The following CNTN6 variants were observed in gnomAD, a reference collection of about 807,000 sequenced individuals.
The protein encoded by CNTN6 is contactin 6, also known as contactin-6.
In CNTN6, 137 loss-of-function variants were observed where a neutral mutation model predicts 122.8. That is an observed-to-expected ratio of 1.12 (90% CI 0.97 to 1.29). The LOEUF (loss-of-function observed/expected upper bound fraction) is 1.29, where lower values mean the gene tolerates loss of function less well. CNTN6 is among the 50% of genes most tolerant of loss of function. CNTN6 has a pLI of 0.00. For missense variants in CNTN6, 1,634 were observed against 1,223.4 expected (o/e 1.34, Z -5.01); for synonymous variants, 570 against 426.0 (o/e 1.34, Z -4.16).
At chr3:1,153,753 A>C (rs1255982285) in intron 2 of CNTN6, among the ~76,000 whole-genome samples, 1 of 152,220 alleles carries the variant, frequency 6.6e-6, no homozygotes, top group Non-Finnish European at 1.5e-5. Context: ...TGAGAGAGAA[A>C]ACCAGAAGAA....
Position 1,271,050 on chromosome 3 carries a change from A to G in CNTN6, c.359-7363A>G, listed in dbSNP as rs79663778. ...ATGCCACCACATTAGACTATTTTTT[A>G]TATTTTTAGTAGAGACAGGGTTTCA... On this transcript the variant is annotated intron_variant, in intron 4 of 22. Coordinates refer to ENST00000446702, the MANE Select transcript of CNTN6 (RefSeq NM_001289080.2). Among the ~76,000 whole-genome samples, 621 of 152,072 alleles carry G rather than the reference A, an allele frequency of 4.1e-3. 15 individuals are homozygous for G. The highest frequency in any genetic ancestry group is 0.036 in the Admixed American group (542 of 15,260).
At chr3:1,352,614 C>CTT (rs1451001923) in intron 12 of CNTN6, among the ~76,000 whole-genome samples, 163 bp downstream of exon 12, 1 of 151,782 alleles carries the variant, frequency 6.6e-6, no homozygotes. Context: ...AACATGCACA[C>CTT]TTTGCCAGTG....
chr3:1,353,070 C>T (rs886215700), intron 12 of CNTN6, among the ~76,000 whole-genome samples: 7 of 151,686 alleles, frequency 4.6e-5, no homozygotes, highest in African/African-American at 1.7e-4. Context: ...AATGTTCCTA[C>T]ATTTATCACC....
intron 4 of CNTN6, among the ~76,000 whole-genome samples, chr3:1,268,606 C>CA (rs71690299): frequency 0.048 from 4,759 of 99,410 alleles, 208 homozygotes; most frequent in African/African-American, 0.11. Context: ...GACTCCGTCT[C>CA]AAAAAAAAAA....
chr3:1,278,822 A>G (rs1023104238), intron 5 of CNTN6, among the ~76,000 whole-genome samples: 28 of 152,264 alleles, frequency 1.8e-4, no homozygotes, highest in Middle Eastern at 3.4e-3. Flanking sequence ...CTTCATGACA[A>G]GGGGACAATT....
At chr3:1,242,887 G>A (rs373515803) in intron 4 of CNTN6, among the ~76,000 whole-genome samples, 9 of 152,066 alleles carry the variant, frequency 5.9e-5, no homozygotes, top group South Asian at 2.1e-4. Flanking sequence ...AAGCCTGGCC[G>A]TCAATACCCA....
At chr3:1,314,804 A>C (rs1699864249) in intron 7 of CNTN6, among the ~76,000 whole-genome samples, 1 of 152,106 alleles carries the variant, frequency 6.6e-6, no homozygotes, top group East Asian at 1.9e-4. Context: ...ATCATCTAGT[A>C]GTATTTCACA....
At chr3:1,249,104 C>G (rs2094622589) in intron 4 of CNTN6, among the ~76,000 whole-genome samples, 2 of 152,042 alleles carry the variant, frequency 1.3e-5, no homozygotes, top group Admixed American at 1.3e-4. Flanking sequence ...CGGTGGGTAG[C>G]AAACAGTCTC....
intron 6 of CNTN6, 43 bp downstream of exon 6, chr3:1,295,847 C>G (rs770391919): frequency 6.5e-7 from 1 of 1,549,462 alleles, no homozygotes; most frequent in East Asian, 2.3e-5. Flanking sequence ...TATCTTTGGC[C>G]CTTAAAGCCT....
At chr3:1,228,671 T>C (rs1203728668) in intron 4 of CNTN6, among the ~76,000 whole-genome samples, 1 of 152,178 alleles carries the variant, frequency 6.6e-6, no homozygotes, top group African/African-American at 2.4e-5. Flanking sequence ...GTGGATAAAG[T>C]AGAAGGCTTG....
In CNTN6 at chr3:1,148,072, TTCTA is replaced by T. The variant is rs746061597; in HGVS notation, c.55+11_55+14del. ...CATAAACTCTTCTGCAGGTAAAGTG[TTCTA>T]TTATTATAAGTTTTGATTGATAAAT... On this transcript the variant is annotated intron_variant, in intron 2 of 22. Transcript: ENST00000446702. 6.3e-7 allele frequency: 1 copy of T among 1,598,938 alleles called. No homozygotes were observed. The highest frequency in any genetic ancestry group is 1.7e-5 in the Admixed American group (1 of 59,874).
intron 12 of CNTN6, among the ~76,000 whole-genome samples, chr3:1,359,163 A>G (rs565434348): frequency 6.6e-6 from 1 of 152,206 alleles, no homozygotes; most frequent in East Asian, 1.9e-4. Flanking sequence ...TATTTATAAG[A>G]AATATAAATA....
At chr3:1,357,069 A>G (rs1234705449) in intron 12 of CNTN6, among the ~76,000 whole-genome samples, 1 of 151,964 alleles carries the variant, frequency 6.6e-6, no homozygotes, top group Non-Finnish European at 1.5e-5. Context: ...CACATATGAC[A>G]TATAGCTGTG....
chr3:1,122,382 GGAATGAA>G lies in CNTN6; in HGVS notation c.-82-25543_-82-25537del, dbSNP rs112451330. ...AAGGAGGAAGGAAGGAAGGAAGGGAGGAATGAAGGAGGAAAGAAGGGGTTCTCAACCA... is the reference window on the plus strand; with the variant it reads ...AAGGAGGAAGGAAGGAAGGAAGGGAGGGAGGAAAGAAGGGGTTCTCAACCA... On this transcript the variant is annotated intron_variant, in intron 1 of 22. Transcript: ENST00000446702. 2.5e-4 allele frequency among the ~76,000 whole-genome samples: 38 copies of G among 150,096 alleles called. 3 individuals carry two copies. The highest frequency in any genetic ancestry group is 8.7e-4 in the African/African-American group (35 of 40,180).
At chr3:1,287,248 T>G (rs1335969621) in intron 5 of CNTN6, among the ~76,000 whole-genome samples, 1 of 152,162 alleles carries the variant, frequency 6.6e-6, no homozygotes, top group Admixed American at 6.6e-5. Context: ...AATTCTTTAT[T>G]GGAAGAACTG....
At chr3:1,204,867 A>C (rs537407895) in intron 2 of CNTN6, among the ~76,000 whole-genome samples, 1 of 152,154 alleles carries the variant, frequency 6.6e-6, no homozygotes, top group Non-Finnish European at 1.5e-5. Context: ...CATATGATGG[A>C]TGGGGTAGGC....
chr3:1,204,441 C>T (rs1279520918), intron 2 of CNTN6, among the ~76,000 whole-genome samples: 1 of 152,130 alleles, frequency 6.6e-6, no homozygotes, highest in Non-Finnish European at 1.5e-5. Flanking sequence ...CTTAGTTGGT[C>T]CCTCAGCGTC....
intron 7 of CNTN6, among the ~76,000 whole-genome samples, chr3:1,300,504 A>G (rs1447470610): frequency 4.6e-4 from 63 of 135,498 alleles, no homozygotes; most frequent in African/African-American, 1.7e-3. Flanking sequence ...AAAAGAAAAG[A>G]AAGAGAAAGA....
At chr3:1,205,894 C>G (rs2093951456) in intron 2 of CNTN6, among the ~76,000 whole-genome samples, 1 of 152,058 alleles carries the variant, frequency 6.6e-6, no homozygotes, top group South Asian at 2.1e-4. Flanking sequence ...AGCAAACAAG[C>G]AAAAAGTTTG....
Sources: allele counts gnomAD v4.1 joint callset (sites outside exome capture counted in the v4.1 genomes callset), GRCh38; gene constraint gnomAD v4.1.1; transcripts MANE v1.5; gene names NCBI Gene and HGNC (gene_info 2026-07-23, HGNC 2026-07-21).